The following BTBD8 variants were observed in gnomAD, a reference collection of about 807,000 sequenced individuals.
BTBD8 encodes BTB domain containing 8, also known as BTB/POZ domain-containing protein 8.
Under a neutral mutation model 162.9 loss-of-function variants are expected in BTBD8, and 110 were observed. That is an observed-to-expected ratio of 0.68 (90% CI 0.58 to 0.79). BTBD8 has a LOEUF of 0.79. Ranked by LOEUF, BTBD8 falls within the 30% of genes least tolerant of loss-of-function variation. BTBD8 has a pLI of 0.00. For missense variants in BTBD8, 1,905 were observed against 2,085.4 expected (o/e 0.91, Z 1.68); for synonymous variants, 667 against 716.1 (o/e 0.93, Z 1.10).
chr1:92,158,916 G>A (rs1012231537), intron 9 of BTBD8, among the ~76,000 whole-genome samples: 16 of 151,998 alleles, frequency 1.1e-4, no homozygotes, highest in African/African-American at 3.4e-4. Context: ...GCCATCACAC[G>A]TGGCTAACTT....
chr1:92,092,797 T>A (rs1648348588), intron 2 of BTBD8, among the ~76,000 whole-genome samples: 7 of 152,244 alleles, frequency 4.6e-5, no homozygotes, highest in Admixed American at 1.3e-4. Context: ...AAGAAACTTC[T>A]GGGATATCTG....
chr1:92,154,471 G>A (rs1403074178), intron 9 of BTBD8, among the ~76,000 whole-genome samples: 1 of 152,066 alleles, frequency 6.6e-6, no homozygotes, highest in Non-Finnish European at 1.5e-5. Context: ...TTTGATCATA[G>A]CCATCCAAAC....
intron 9 of BTBD8, among the ~76,000 whole-genome samples, chr1:92,156,772 C>T (rs1368180552): frequency 1.3e-5 from 2 of 151,910 alleles, no homozygotes; most frequent in African/African-American, 2.4e-5. Flanking sequence ...TTTGTGTCAT[C>T]TATTGTAATG....
intron 16 of BTBD8, 23 bp downstream of exon 16, chr1:92,178,474 T>C: frequency 7.9e-6 from 12 of 1,526,536 alleles, no homozygotes; most frequent in Non-Finnish European, 1.1e-5. Flanking sequence ...TAGTACTGGA[T>C]ATCTTGAAAT....
Position 92,181,198 on chromosome 1 carries a change from G to A in BTBD8, c.3515G>A (p.Gly1172Glu). The change falls in exon 17 of 18, where the codon GGA becomes GAA. Residue 1172 changes from glycine (G) to glutamate (E), a missense_variant. Gly to Glu is a moderately conservative substitution (Grantham distance 98). Coordinates refer to ENST00000636805, the MANE Select transcript of BTBD8 (RefSeq NM_001376131.1). ...EDKKSKVPVE[G>E]LTIPSKLSDE... ...AAAAAATCGAAAGTTCCTGTGGAAG[G>A]ACTGACAATTCCTAGTAAGTTGTCA... is the stretch of plus-strand genomic sequence containing the variant. 6.4e-7 allele frequency: 1 copy of A among 1,551,714 alleles called. No individual in the cohort carries two copies. The highest frequency in any genetic ancestry group is 8.7e-7 in the Non-Finnish European group (1 of 1,146,986).
Position 92,129,442 on chromosome 1 carries a change from C to T in BTBD8, c.663-245C>T, listed in dbSNP as rs113734054. 9.1e-3 allele frequency among the ~76,000 whole-genome samples: 1,378 copies of T among 151,706 alleles called. 17 individuals are homozygous for T. Among genetic ancestry groups the T allele is most frequent in the African/African-American group, 0.031 (1,292 of 41,336 alleles). On this transcript the variant is annotated intron_variant, in intron 4 of 17. Transcript: ENST00000636805. Reference sequence around the variant, plus strand: ...TCAGGGCTGTAGTAAGCTATGATCACGCCACTGCATTCCAGCCAGGGTGAC... The same window carrying T: ...TCAGGGCTGTAGTAAGCTATGATCATGCCACTGCATTCCAGCCAGGGTGAC...
intron 9 of BTBD8, among the ~76,000 whole-genome samples, chr1:92,154,141 A>G (rs1332672988): frequency 6.6e-6 from 1 of 152,090 alleles, no homozygotes; most frequent in Admixed American, 6.6e-5. Context: ...TTCCACTATG[A>G]TTGTAAGCTT....
At chr1:92,095,079 G>A (rs1012376276) in intron 2 of BTBD8, among the ~76,000 whole-genome samples, 7 of 152,138 alleles carry the variant, frequency 4.6e-5, no homozygotes, top group African/African-American at 1.7e-4. Flanking sequence ...CTAATTCCTA[G>A]AGATAGTAAA....
intron 12 of BTBD8, 49 bp downstream of exon 12, chr1:92,169,044 C>T (rs750609133): frequency 1.4e-6 from 2 of 1,443,926 alleles, no homozygotes; most frequent in South Asian, 1.5e-5. Flanking sequence ...ATCATTGTGA[C>T]AGCAGATATT....
chr1:92,155,621 C>G (rs113696131), intron 9 of BTBD8, among the ~76,000 whole-genome samples: 2,150 of 152,120 alleles, frequency 0.014, 59 homozygotes, highest in African/African-American at 0.047. Context: ...TCTTTAATTT[C>G]TTTCAATGTT....
intron 4 of BTBD8, among the ~76,000 whole-genome samples, chr1:92,116,604 T>C (rs547297703): frequency 3.9e-5 from 6 of 152,212 alleles, no homozygotes; most frequent in Non-Finnish European, 7.4e-5. Flanking sequence ...GTAATGTCAC[T>C]TGTTGTGAAG....
intron 9 of BTBD8, among the ~76,000 whole-genome samples, chr1:92,152,427 A>G (rs915551125): frequency 1.3e-5 from 2 of 152,214 alleles, no homozygotes; most frequent in Admixed American, 1.3e-4. Context: ...AGAATCACAC[A>G]GGTTAAATCT....
chr1:92,141,360 A>G (rs1008017668), intron 7 of BTBD8, 149 bp downstream of exon 7: 4 of 899,728 alleles, frequency 4.4e-6, no homozygotes, highest in Middle Eastern at 3.9e-4. Flanking sequence ...GAAATAATTC[A>G]TATGATCTGC....
At chr1:92,158,631 A>AAC (rs1650213456) in intron 9 of BTBD8, among the ~76,000 whole-genome samples, 1 of 152,212 alleles carries the variant, frequency 6.6e-6, no homozygotes, top group South Asian at 2.1e-4. Flanking sequence ...ATTAAAAGTG[A>AAC]TTAATTCAGT....
intron 4 of BTBD8, chr1:92,125,733 A>G (rs913224345): frequency 2.3e-6 from 1 of 443,258 alleles, no homozygotes; most frequent in Admixed American, 2.6e-5. Flanking sequence ...GAATGTGCTG[A>G]TTTCACATCT....
chr1:92,091,146 G>A (rs1648283735), intron 2 of BTBD8, among the ~76,000 whole-genome samples: 1 of 152,152 alleles, frequency 6.6e-6, no homozygotes, highest in Admixed American at 6.5e-5. Flanking sequence ...ATTGGATCAT[G>A]GGGGTGGATT....
Position 92,181,413 on chromosome 1 carries a change from CAGCGAG to C in BTBD8, c.3733_3738del (p.Arg1245_Glu1246del). The C allele has an allele frequency of 2.6e-6, 4 of 1,551,676 alleles. No individual in the cohort carries two copies. The highest frequency in any genetic ancestry group is 3.5e-6 in the Non-Finnish European group (4 of 1,146,970). ...GAATTTGAGTACTGGTGTTCTGCATCAGCGAGAGAGTCCTGAATCTGACACTGGCAG... is the reference window on the plus strand; with the variant it reads ...GAATTTGAGTACTGGTGTTCTGCATCAGAGTCCTGAATCTGACACTGGCAG... On this transcript the variant is annotated inframe_deletion, in exon 17 of 18. Coordinates refer to ENST00000636805, the MANE Select transcript of BTBD8 (RefSeq NM_001376131.1).
At chr1:92,102,429 A>G in intron 2 of BTBD8, 44 bp from the exon 3 acceptor site, 1 of 1,226,556 alleles carries the variant, frequency 8.2e-7, no homozygotes. Flanking sequence ...CTTTTTAAGA[A>G]TCACCAATGT....
At chr1:92,087,787 C>T (rs577606079) in intron 1 of BTBD8, among the ~76,000 whole-genome samples, 1 of 152,258 alleles carries the variant, frequency 6.6e-6, no homozygotes, top group Non-Finnish European at 1.5e-5. Context: ...TTATCAGTTA[C>T]TTGTACCTCC....
Sources: allele counts gnomAD v4.1 joint callset (sites outside exome capture counted in the v4.1 genomes callset), GRCh38; gene constraint gnomAD v4.1.1; transcripts MANE v1.5; gene names NCBI Gene and HGNC (gene_info 2026-07-23, HGNC 2026-07-21).